The following DCLRE1B variants were observed in gnomAD, a reference collection of about 807,000 sequenced individuals.
DCLRE1B encodes 5' exonuclease Apollo.
DCLRE1B carries 6 observed loss-of-function variants against 19.8 expected under a neutral mutation model. The ratio of observed to expected loss-of-function variants is 0.30; its 90% CI spans 0.17 to 0.60. The LOEUF is 0.60. Among genes scored for constraint, DCLRE1B ranks in the 20% least tolerant of loss-of-function variants. The probability of loss-of-function intolerance (pLI) is 0.87; values close to 1 mark genes in which losing one functional copy is unlikely to be tolerated. For missense variants in DCLRE1B, 622 were observed against 654.2 expected, an observed-to-expected ratio of 0.95 and a Z score of 0.54; for synonymous variants, 258 against 255.7, an observed-to-expected ratio of 1.01 and a Z score of -0.09.
Position 113,911,701 on chromosome 1 carries a change from CAAA to C in DCLRE1B, c.1110_1112del (p.Lys372del), listed in dbSNP as rs1558110188. ...GATCAATCTCAAGCTGACAGAGACTCAAAGAAGGCCAAGAAAGAGAAACTTTCT... is the reference window on the plus strand; with the variant it reads ...GATCAATCTCAAGCTGACAGAGACTCGAAGGCCAAGAAAGAGAAACTTTCT... On this transcript the variant is annotated inframe_deletion, in exon 4 of 4. Coordinates refer to ENST00000650450, the MANE Select transcript of DCLRE1B (RefSeq NM_022836.4). 1.9e-6 allele frequency: 3 copies of C among 1,614,012 alleles called. No homozygotes were observed. The highest frequency in any genetic ancestry group is 1.1e-5 in the South Asian group (1 of 91,080).
In DCLRE1B at chr1:113,905,380, C is replaced by G; in HGVS notation, c.-207C>G. ...CCGCGCGGTTGGGAGTGTCCAGCGC[C>G]CTCCGCGATTTGGGCTCCAGCGGGC... On this transcript the variant is annotated 5_prime_UTR_variant, in exon 1 of 4. Transcript: ENST00000650450. 1.7e-6 allele frequency: 1 copy of G among 593,860 alleles called. No homozygotes were observed. 36.8% of individuals were successfully genotyped at this position (593,860 alleles called of 1,614,324 possible). A position where few individuals can be genotyped will look rare whatever the true frequency, so the allele number is the denominator to read the frequency against.
upstream of DCLRE1B, chr1:113,904,713 G>T: frequency 2.5e-6 from 4 of 1,612,150 alleles, no homozygotes; most frequent in Non-Finnish European, 3.4e-6. Flanking sequence ...GCCAAGGTAC[G>T]GCATCTTCCT....
upstream of DCLRE1B, chr1:113,905,296 A>G: frequency 2.4e-6 from 1 of 415,742 alleles, no homozygotes; most frequent in African/African-American, 2.0e-5. Flanking sequence ...GAAATCGGCT[A>G]CTTTGGCCTG....
chr1:113,907,050 CT>C lies in DCLRE1B; in HGVS notation c.245del (p.Leu82GlnfsTer9). 6.2e-7 allele frequency: 1 copy of C among 1,613,936 alleles called. No homozygotes were observed. The highest frequency in any genetic ancestry group is 8.5e-7 in the Non-Finnish European group (1 of 1,179,994). ...LEVGESHVLPLDEIGQETMTV... is the reference protein window; with the variant it reads ...LEVGESHVLPXDEIGQETMTV... ...GGTTGGTGAGAGCCATGTATTACCC[CT>C]AGATGAAATTGGACAAGAGACCATG... is the stretch of plus-strand genomic sequence containing the variant. On this transcript the variant is annotated frameshift_variant, in exon 2 of 4. Transcript: ENST00000650450. LOFTEE classifies it high-confidence loss of function.
In DCLRE1B at chr1:113,910,997, C is replaced by T. The variant is rs530919326; in HGVS notation, c.539-134C>T. The T allele has an allele frequency of 9.2e-4, 757 of 826,802 alleles. 1 individual carries two copies. Among genetic ancestry groups the T allele is most frequent in the Non-Finnish European group, 1.1e-3 (564 of 536,340 alleles). The allele number at this position is 826,802 out of a possible 1,614,324, so 51.2% of individuals were successfully genotyped here. On this transcript the variant is annotated intron_variant, in intron 3 of 3. Coordinates refer to ENST00000650450, the MANE Select transcript of DCLRE1B (RefSeq NM_022836.4). ...TGTCTTAGCTCAAATGCCACCTCTTCCTTGATATTCTCCCTGGATTTCTCC... is the reference window on the plus strand; with the variant it reads ...TGTCTTAGCTCAAATGCCACCTCTTTCTTGATATTCTCCCTGGATTTCTCC...
At chr1:113,910,043 T>C (rs904985654) in intron 3 of DCLRE1B, among the ~76,000 whole-genome samples, 5 of 152,228 alleles carry the variant, frequency 3.3e-5, no homozygotes, top group Admixed American at 3.3e-4. Flanking sequence ...TCTGTTACCA[T>C]AACCATTTCC....
chr1:113,904,644 T>C, upstream of DCLRE1B: 8 of 1,613,730 alleles, frequency 5.0e-6, no homozygotes, highest in Non-Finnish European at 5.1e-6. Flanking sequence ...GCGCAGCCTA[T>C]CAGCTTGAAT....
chr1:113,905,849 G>T, intron 1 of DCLRE1B, 74 bp downstream of exon 1: 4 of 1,477,428 alleles, frequency 2.7e-6, no homozygotes, highest in Non-Finnish European at 3.6e-6. Context: ...CATTCTTGGA[G>T]TCATAGAATG....
chr1:113,908,611 A>G (rs1011597203), intron 3 of DCLRE1B, among the ~76,000 whole-genome samples: 1 of 152,204 alleles, frequency 6.6e-6, no homozygotes, highest in African/African-American at 2.4e-5. Flanking sequence ...ACCCTGTCTC[A>G]ATAAATGAAT....
chr1:113,908,202 T>C lies in DCLRE1B; in HGVS notation c.538+11T>C. 6.2e-7 allele frequency: 1 copy of C among 1,610,644 alleles called. No individual in the cohort carries two copies. Among genetic ancestry groups the C allele is most frequent in the Non-Finnish European group, 8.5e-7 (1 of 1,178,328 alleles). On this transcript the variant is annotated intron_variant, in intron 3 of 3. Transcript: ENST00000650450. ...ATAACATAAAGATTGGTGAGTTGTT[T>C]CCTTTCAGTTTCCTGTCACCTGTAG...
chr1:113,905,379 C>T lies in DCLRE1B; in HGVS notation c.-208C>T, dbSNP rs1318557990. 3.4e-6 allele frequency: 2 copies of T among 591,934 alleles called. No individual in the cohort carries two copies. The highest frequency in any genetic ancestry group is 3.3e-5 in the Admixed American group (1 of 29,972). The allele number at this position is 591,934 out of a possible 1,614,324, so 36.7% of individuals were successfully genotyped here. ...CCCGCGCGGTTGGGAGTGTCCAGCG[C>T]CCTCCGCGATTTGGGCTCCAGCGGG... On this transcript the variant is annotated 5_prime_UTR_variant, in exon 1 of 4. Coordinates refer to ENST00000650450, the MANE Select transcript of DCLRE1B (RefSeq NM_022836.4).
chr1:113,909,950 T>C (rs1206452251), intron 3 of DCLRE1B, among the ~76,000 whole-genome samples: 5 of 152,170 alleles, frequency 3.3e-5, no homozygotes, highest in African/African-American at 1.2e-4. Context: ...TATACTTCTT[T>C]TTATGGCGTT....
chr1:113,904,951 G>C, upstream of DCLRE1B: 1 of 505,726 alleles, frequency 2.0e-6, no homozygotes, highest in Non-Finnish European at 3.6e-6. Flanking sequence ...CCGTCGGCCG[G>C]CAGGCCGTTC....
chr1:113,906,495 CTT>C (rs142277855), intron 1 of DCLRE1B, among the ~76,000 whole-genome samples: 5 of 141,660 alleles, frequency 3.5e-5, no homozygotes, highest in East Asian at 4.2e-4. Context: ...TTGCTGAACT[CTT>C]TTTTTTTTTT....
chr1:113,911,323 G>A lies in DCLRE1B; in HGVS notation c.731G>A (p.Arg244His), dbSNP rs747132565. The change falls in exon 4 of 4, where the codon CGT becomes CAT. Residue 244 changes from arginine (R) to histidine (H), a missense_variant. Coordinates refer to ENST00000650450, the MANE Select transcript of DCLRE1B (RefSeq NM_022836.4). ...HMEICHSNML[R>H]WNQTHPTIAI... ...GAGATCTGCCATTCCAACATGCTGC[G>A]TTGGAACCAGACCCACCCTACGATT... is the stretch of plus-strand genomic sequence containing the variant. 3.7e-6 allele frequency: 6 copies of A among 1,613,980 alleles called. No individual in the cohort carries two copies. The highest frequency in any genetic ancestry group is 2.7e-5 in the African/African-American group (2 of 74,884).
intron 3 of DCLRE1B, among the ~76,000 whole-genome samples, chr1:113,909,549 C>T (rs1338694897): frequency 1.3e-5 from 2 of 152,204 alleles, no homozygotes; most frequent in Non-Finnish European, 2.9e-5. Context: ...AATTATATAA[C>T]TTCCAGGGTG....
chr1:113,911,296 T>G lies in DCLRE1B; in HGVS notation c.704T>G (p.Met235Arg). Residue 235 changes from methionine (M) to arginine (R), a missense_variant, in exon 4 of 4, where the codon ATG becomes AGG. Physicochemically the swap from Met to Arg is moderately conservative, Grantham distance 91. This residue lies in a region of DCLRE1B where 382 missense variants were observed against 412.5 expected (regional missense o/e 0.93). Transcript: ENST00000650450. The stretch of plus-strand genomic sequence containing the variant: ...GGCCGCATCCATGCAGTAGACCATA[T>G]GGAGATCTGCCATTCCAACATGCTG... ...KAGRIHAVDH[M>R]EICHSNMLRW... 1 of 1,614,136 alleles carries G rather than the reference T, an allele frequency of 6.2e-7. No homozygotes were observed. The highest frequency in any genetic ancestry group is 1.1e-5 in the South Asian group (1 of 91,086).
upstream of DCLRE1B, chr1:113,904,888 C>T: frequency 1.5e-6 from 1 of 650,970 alleles, no homozygotes; most frequent in Non-Finnish European, 2.8e-6. Flanking sequence ...CCCTGACACA[C>T]TTCCACGCCC....
intron 3 of DCLRE1B, among the ~76,000 whole-genome samples, chr1:113,908,928 T>C (rs1669148888): frequency 6.6e-6 from 1 of 152,180 alleles, no homozygotes; most frequent in Non-Finnish European, 1.5e-5. Context: ...GCAAGGAGGC[T>C]GAAAAGGCAA....
Sources: allele counts gnomAD v4.1 joint callset (sites outside exome capture counted in the v4.1 genomes callset), GRCh38; gene constraint gnomAD v4.1.1; regional missense constraint gnomAD v4.1.1; transcripts MANE v1.5; gene names NCBI Gene and HGNC (gene_info 2026-07-23, HGNC 2026-07-21).